Variants in XRCC4 observed in about 807,000 individuals in gnomAD.
XRCC4 encodes the protein DNA repair protein XRCC4.
Under a neutral mutation model 39.1 loss-of-function variants are expected in XRCC4, and 28 were observed. The observed-to-expected ratio is 0.72, with a 90% CI of 0.53 to 0.98. XRCC4 has a LOEUF of 0.98. Ranked by LOEUF, XRCC4 falls within the 50% of genes least tolerant of loss-of-function variation. XRCC4 has a pLI of 0.00. For missense variants in XRCC4, 350 were observed against 376.4 expected, an observed-to-expected ratio of 0.93 and a Z score of 0.58; for synonymous variants, 123 against 126.4, an observed-to-expected ratio of 0.97 and a Z score of 0.18.
chr5:83,117,849 T>C (rs1469550684), intron 3 of XRCC4, among the ~76,000 whole-genome samples: 3 of 152,006 alleles, frequency 2.0e-5, no homozygotes, highest in African/African-American at 7.3e-5. Flanking sequence ...ATCACTTAGG[T>C]AGTAAGCCCA....
intron 3 of XRCC4, among the ~76,000 whole-genome samples, chr5:83,129,598 C>G (rs1201690011): frequency 6.6e-6 from 1 of 152,014 alleles, no homozygotes; most frequent in Non-Finnish European, 1.5e-5. Flanking sequence ...TTGATTCTTC[C>G]TATCCATGAG....
intron 6 of XRCC4, among the ~76,000 whole-genome samples, chr5:83,225,391 G>A (rs1752248695): frequency 6.6e-6 from 1 of 151,930 alleles, no homozygotes; most frequent in African/African-American, 2.4e-5. Context: ...TATGGAAAAT[G>A]CCCATTCTCA....
intron 5 of XRCC4, 42 bp from the exon 6 acceptor site, chr5:83,204,773 G>A (rs1751351314): frequency 1.3e-6 from 2 of 1,496,360 alleles, no homozygotes; most frequent in Non-Finnish European, 1.8e-6. Flanking sequence ...CCTAGCAGGG[G>A]GTGAGCCAGT....
intron 7 of XRCC4, among the ~76,000 whole-genome samples, chr5:83,295,293 GA>G (rs80140392): frequency 0.045 from 6,750 of 151,524 alleles, 214 homozygotes; most frequent in South Asian, 0.14. Flanking sequence ...TTCTAAGTGA[GA>G]AAAAAAGAAA....
At chr5:83,238,770 C>T (rs867118510) in intron 6 of XRCC4, among the ~76,000 whole-genome samples, 2 of 151,768 alleles carry the variant, frequency 1.3e-5, no homozygotes, top group African/African-American at 2.4e-5. Context: ...AAATGGCCTT[C>T]GGGTTTATCA....
intron 6 of XRCC4, among the ~76,000 whole-genome samples, chr5:83,254,423 T>C (rs958157928): frequency 6.6e-5 from 10 of 152,170 alleles, no homozygotes; most frequent in African/African-American, 2.4e-4. Flanking sequence ...GCCATTTTTT[T>C]CCGACTCTAT....
At position 83,142,963 on chromosome 5, in the gene XRCC4, G is replaced by A. The variant is rs28360077; in HGVS notation, c.315+31760G>A. ...TCTTAATGGGGTTGCTTGCCAAGTT[G>A]AGATACAATGCTTATGATACAATTT... is the stretch of plus-strand genomic sequence containing the variant. On this transcript the variant is annotated intron_variant, in intron 3 of 7. Transcript: ENST00000396027. 2.6e-5 allele frequency among the ~76,000 whole-genome samples: 4 copies of A among 152,198 alleles called. 1 individual carries two copies. Among genetic ancestry groups the A allele is most frequent in the African/African-American group, 9.6e-5 (4 of 41,538 alleles).
intron 3 of XRCC4, among the ~76,000 whole-genome samples, chr5:83,177,438 CT>C (rs776050448): frequency 0.12 from 11,597 of 98,186 alleles, 392 homozygotes; most frequent in Non-Finnish European, 0.15. Context: ...GCTTTAATAC[CT>C]TTTTTTTTTT....
In XRCC4 at chr5:83,212,998, C is replaced by T. The variant is rs142831110; in HGVS notation, c.745+8077C>T. On this transcript the variant is annotated intron_variant, in intron 6 of 7. Coordinates refer to ENST00000396027, the MANE Select transcript of XRCC4 (RefSeq NM_003401.5). ...CATTGAGACACATATACGTAGAAAACATTTGAAATCCATAGAGGGAGACAC... is the reference window on the plus strand; with the variant it reads ...CATTGAGACACATATACGTAGAAAATATTTGAAATCCATAGAGGGAGACAC... Among the ~76,000 whole-genome samples the T allele has an allele frequency of 1.3e-3, 175 of 138,056 alleles. 3 individuals carry two copies. The East Asian group carries it at 0.024, about 19-fold the overall frequency. The allele number at this position is 138,056 out of a possible 152,430, so 90.6% of individuals were successfully genotyped here.
At chr5:83,351,112 G>A (rs1224031041) in intron 7 of XRCC4, among the ~76,000 whole-genome samples, 2 of 152,038 alleles carry the variant, frequency 1.3e-5, no homozygotes, top group African/African-American at 4.8e-5. Context: ...CATGAGATCT[G>A]GTTTAAAAAT....
intron 7 of XRCC4, among the ~76,000 whole-genome samples, chr5:83,347,764 G>A (rs1055400522): frequency 6.6e-6 from 1 of 152,070 alleles, no homozygotes; most frequent in Non-Finnish European, 1.5e-5. Context: ...TCATTCCAGT[G>A]TTAACTCAAA....
rs1744921288 is a variant in XRCC4, at chr5:83,081,129, T to G, written c.-11+3514T>G. On this transcript the variant is annotated intron_variant, in intron 1 of 7. Transcript: ENST00000396027. ...TCACGGGGCCTTGGGATATACACCC[T>G]TGGATAAGGAGAGGACTGCTATAAA... is the stretch of plus-strand genomic sequence containing the variant. 2.0e-5 allele frequency among the ~76,000 whole-genome samples: 3 copies of G among 152,204 alleles called. No homozygotes were observed. In the South Asian group the frequency reaches 6.2e-4, roughly 31 times the overall value.
rs187250628 is a variant in XRCC4, at chr5:83,216,240, A to C, written c.745+11319A>C. Among the ~76,000 whole-genome samples, 131 of 152,308 alleles carry C rather than the reference A, an allele frequency of 8.6e-4. No individual in the cohort carries two copies. The Middle Eastern group carries it at 0.01, about 12-fold the overall frequency. ...GCTTAACATCATTTAATCATTAGAT[A>C]ATACAAATTACAGTTAAAATCAGAT... On this transcript the variant is annotated intron_variant, in intron 6 of 7. Transcript: ENST00000396027.
chr5:83,170,666 T>A (rs1364676976), intron 3 of XRCC4, among the ~76,000 whole-genome samples: 1 of 152,090 alleles, frequency 6.6e-6, no homozygotes, highest in Non-Finnish European at 1.5e-5. Context: ...TAATTCCCAC[T>A]CCTCATGAAG....
At chr5:83,100,147 T>C (rs369709783) in intron 1 of XRCC4, among the ~76,000 whole-genome samples, 23 of 152,292 alleles carry the variant, frequency 1.5e-4, no homozygotes, top group African/African-American at 5.5e-4. Context: ...ACTTGTAGGA[T>C]ACTATGTTGT....
the XRCC4 span, among the ~76,000 whole-genome samples, chr5:83,366,966 GTTTA>G: frequency 6.6e-6 from 1 of 152,064 alleles, no homozygotes; most frequent in Non-Finnish European, 1.5e-5. Flanking sequence ...TATATATTGT[GTTTA>G]TTTGTTTTTT....
At chr5:83,144,873 G>A (rs1408298675) in intron 3 of XRCC4, among the ~76,000 whole-genome samples, 1 of 151,890 alleles carries the variant, frequency 6.6e-6, no homozygotes, top group African/African-American at 2.4e-5. Context: ...GAGGTTTTCT[G>A]TATTTTCATT....
At chr5:83,334,467 TAATC>T (rs1756530242) in intron 7 of XRCC4, among the ~76,000 whole-genome samples, 3 of 152,116 alleles carry the variant, frequency 2.0e-5, no homozygotes, top group Non-Finnish European at 4.4e-5. Flanking sequence ...TGTGAATAAA[TAATC>T]AGTTATATTT....
rs528338138 is a variant in XRCC4, at chr5:83,330,716, T to C, written c.894-22415T>C. ...TATAACATGTATATTACATATTATG[T>C]CTATTATAACTATATGTATCAAATA... On this transcript the variant is annotated intron_variant, in intron 7 of 7. Coordinates refer to ENST00000396027, the MANE Select transcript of XRCC4 (RefSeq NM_003401.5). Among the ~76,000 whole-genome samples the C allele has an allele frequency of 1.6e-3, 247 of 152,154 alleles. 3 individuals carry two copies. The Middle Eastern group carries it at 0.041, about 25-fold the overall frequency.
Sources: allele counts gnomAD v4.1 joint callset (sites outside exome capture counted in the v4.1 genomes callset), GRCh38; gene constraint gnomAD v4.1.1; transcripts MANE v1.5; gene names NCBI Gene and HGNC (gene_info 2026-07-23, HGNC 2026-07-21).